ARHGAP24: variants seen among roughly 807,000 people sequenced by gnomAD.
The protein encoded by ARHGAP24 is rho GTPase-activating protein 24.
In ARHGAP24, 50 loss-of-function variants were observed where a neutral mutation model predicts 76.4. That is an observed-to-expected ratio of 0.65 (90% CI 0.52 to 0.83). The LOEUF is 0.83. Among genes scored for constraint, ARHGAP24 ranks in the 40% least tolerant of loss-of-function variants. The probability of loss-of-function intolerance (pLI) is 0.00; values close to 1 mark genes in which losing one functional copy is unlikely to be tolerated. For missense variants in ARHGAP24, 930 were observed against 914.2 expected (o/e 1.02, Z -0.22); for synonymous variants, 345 against 323.3 (o/e 1.07, Z -0.72).
intron 3 of ARHGAP24, among the ~76,000 whole-genome samples, chr4:85,903,242 T>C (rs1734598984): frequency 6.6e-6 from 1 of 152,174 alleles, no homozygotes; most frequent in African/African-American, 2.4e-5. Context: ...TGATCTTTGG[T>C]CAAAAATATC....
intron 2 of ARHGAP24, among the ~76,000 whole-genome samples, chr4:85,667,369 G>A (rs1030794658): frequency 2.0e-5 from 3 of 152,164 alleles, no homozygotes; most frequent in Non-Finnish European, 2.9e-5. Flanking sequence ...GTATTAGGAT[G>A]GGAGTGACCC....
intron 3 of ARHGAP24, among the ~76,000 whole-genome samples, chr4:85,838,880 T>C (rs1172785419): frequency 3.3e-5 from 5 of 152,204 alleles, no homozygotes; most frequent in Non-Finnish European, 1.5e-5. Context: ...AATTTTCTGC[T>C]CTTCCTCTCT....
At chr4:85,736,012 C>G (rs1356768437) in intron 3 of ARHGAP24, among the ~76,000 whole-genome samples, 1 of 152,120 alleles carries the variant, frequency 6.6e-6, no homozygotes, top group Non-Finnish European at 1.5e-5. Flanking sequence ...CTTTGAGTTT[C>G]TCAAATGTGC....
At chr4:85,753,588 G>A (rs1166252276) in intron 3 of ARHGAP24, among the ~76,000 whole-genome samples, 1 of 152,102 alleles carries the variant, frequency 6.6e-6, no homozygotes, top group Non-Finnish European at 1.5e-5. Context: ...CAATTTATGC[G>A]CCCCACATAT....
intron 2 of ARHGAP24, among the ~76,000 whole-genome samples, chr4:85,624,253 A>G (rs184478029): frequency 2.8e-4 from 43 of 152,248 alleles, no homozygotes; most frequent in African/African-American, 9.6e-4. Context: ...ATTTTGAGAT[A>G]TGTCCCATCA....
intron 1 of ARHGAP24, among the ~76,000 whole-genome samples, chr4:85,485,862 A>C (rs867039938): frequency 5.9e-5 from 9 of 151,440 alleles, no homozygotes; most frequent in South Asian, 2.1e-4. Flanking sequence ...CCTCCCGAGT[A>C]GCTGGGATTA....
At position 85,607,918 on chromosome 4, in the gene ARHGAP24, A is replaced by G. The variant is rs181507948; in HGVS notation, c.180+37197A>G. ...GATGCCTGGTGCTGGCTGCAGACCA[A>G]CGAAAATCTCTGGGCCTTGGTGTTT... On this transcript the variant is annotated intron_variant, in intron 2 of 9. Transcript: ENST00000395184. 7.2e-3 allele frequency among the ~76,000 whole-genome samples: 1,088 copies of G among 151,908 alleles called. 8 individuals are homozygous for G. Among genetic ancestry groups the G allele is most frequent in the Middle Eastern group, 0.014 (4 of 294 alleles).
At chr4:85,835,579 T>G (rs1254421281) in intron 3 of ARHGAP24, among the ~76,000 whole-genome samples, 1 of 151,220 alleles carries the variant, frequency 6.6e-6, no homozygotes, top group Non-Finnish European at 1.5e-5. Context: ...AAAGCACGGT[T>G]TGTTTCATTG....
chr4:85,610,298 G>C (rs1035433295), intron 2 of ARHGAP24, among the ~76,000 whole-genome samples: 1 of 151,516 alleles, frequency 6.6e-6, no homozygotes, highest in Non-Finnish European at 1.5e-5. Context: ...AAAAAAATTA[G>C]CCAGGTGTGG....
intron 2 of ARHGAP24, among the ~76,000 whole-genome samples, chr4:85,646,434 T>C (rs1721724844): frequency 6.6e-6 from 1 of 152,046 alleles, no homozygotes; most frequent in Non-Finnish European, 1.5e-5. Flanking sequence ...CTCAACCCCG[T>C]TGCATCTAAT....
At chr4:85,668,027 A>G (rs1560577269) in intron 2 of ARHGAP24, among the ~76,000 whole-genome samples, 1 of 152,228 alleles carries the variant, frequency 6.6e-6, no homozygotes, top group East Asian at 1.9e-4. Context: ...TTGTAAATGT[A>G]GAAAAGTTAG....
At chr4:85,676,671 G>A (rs1722991332) in intron 2 of ARHGAP24, among the ~76,000 whole-genome samples, 2 of 152,146 alleles carry the variant, frequency 1.3e-5, no homozygotes, top group Admixed American at 1.3e-4. Flanking sequence ...CACATTTTAG[G>A]TCTGGAGTTG....
At chr4:85,687,727 G>GT (rs200707372) in intron 2 of ARHGAP24, among the ~76,000 whole-genome samples, 210 of 150,892 alleles carry the variant, frequency 1.4e-3, no homozygotes, top group South Asian at 9.3e-3. Flanking sequence ...CAATTGCATG[G>GT]TTTTTTTTTC....
chr4:85,977,464 T>A, intron 7 of ARHGAP24, 106 bp from the exon 8 acceptor site: 1 of 1,294,502 alleles, frequency 7.7e-7, no homozygotes. Context: ...GTCTCCATAG[T>A]CATCTTTGAA....
intron 8 of ARHGAP24, among the ~76,000 whole-genome samples, chr4:85,986,309 A>G (rs1266367844): frequency 1.3e-5 from 2 of 152,176 alleles, no homozygotes; most frequent in African/African-American, 4.8e-5. Context: ...TTATTTTAAA[A>G]TACTAACAAA....
intron 1 of ARHGAP24, among the ~76,000 whole-genome samples, chr4:85,542,326 C>T (rs1725736435): frequency 6.6e-6 from 1 of 152,206 alleles, no homozygotes; most frequent in African/African-American, 2.4e-5. Flanking sequence ...ACTATAGCTT[C>T]AAAGCAAGTT....
chr4:85,499,596 G>A (rs965571433), intron 1 of ARHGAP24, among the ~76,000 whole-genome samples: 7 of 152,206 alleles, frequency 4.6e-5, no homozygotes, highest in African/African-American at 1.7e-4. Context: ...CCTTGGTGGG[G>A]CCAAGATTGG....
At chr4:85,878,608 A>G (rs1349845440) in intron 3 of ARHGAP24, among the ~76,000 whole-genome samples, 1 of 152,172 alleles carries the variant, frequency 6.6e-6, no homozygotes, top group Non-Finnish European at 1.5e-5. Context: ...AATTATATAT[A>G]TATAATTCTA....
chr4:85,708,466 C>A (rs1027584207), intron 2 of ARHGAP24, among the ~76,000 whole-genome samples: 1 of 152,026 alleles, frequency 6.6e-6, no homozygotes, highest in Non-Finnish European at 1.5e-5. Flanking sequence ...AACAGAGGTA[C>A]AGATATTTAT....
Sources: allele counts gnomAD v4.1 joint callset (sites outside exome capture counted in the v4.1 genomes callset), GRCh38; gene constraint gnomAD v4.1.1; transcripts MANE v1.5; gene names NCBI Gene and HGNC (gene_info 2026-07-23, HGNC 2026-07-21).